CORO2A: variants seen among roughly 807,000 people sequenced by gnomAD.
The protein encoded by CORO2A is coronin 2A.
CORO2A carries 47 observed loss-of-function variants against 62.4 expected under a neutral mutation model. That is an observed-to-expected ratio of 0.75 (90% CI 0.60 to 0.96). The LOEUF is 0.96. Ranked by LOEUF, CORO2A falls within the 40% of genes least tolerant of loss-of-function variation. CORO2A has a pLI of 0.00. For synonymous variants in CORO2A, 273 were observed against 268.9 expected, an observed-to-expected ratio of 1.02 and a Z score of -0.15; for missense variants, 610 against 684.1, an observed-to-expected ratio of 0.89 and a Z score of 1.21.
intron 2 of CORO2A, among the ~76,000 whole-genome samples, chr9:98,149,860 CA>C (rs1425604848): frequency 6.6e-6 from 1 of 151,988 alleles, no homozygotes; most frequent in Non-Finnish European, 1.5e-5. Flanking sequence ...TATTATATTT[CA>C]AAAAGCCCAA....
intron 1 of CORO2A, among the ~76,000 whole-genome samples, chr9:98,191,273 A>C (rs983267039): frequency 2.0e-5 from 3 of 152,212 alleles, no homozygotes; most frequent in African/African-American, 7.2e-5. Context: ...GAGGGGCAGG[A>C]AGCTGGGGAG....
chr9:98,143,258 A>C (rs1827598694), intron 2 of CORO2A, among the ~76,000 whole-genome samples: 1 of 152,230 alleles, frequency 6.6e-6, no homozygotes, highest in Non-Finnish European at 1.5e-5. Flanking sequence ...GTGGGGGACC[A>C]GACTGGGGAC....
chr9:98,126,087 G>C (rs1169587483), intron 11 of CORO2A, among the ~76,000 whole-genome samples: 1 of 145,110 alleles, frequency 6.9e-6, no homozygotes, highest in Non-Finnish European at 1.5e-5. Flanking sequence ...CCAGGCTGGA[G>C]TGCAGTGGTG....
chr9:98,184,778 GCTGT>G (rs1265237011), intron 1 of CORO2A, among the ~76,000 whole-genome samples: 1 of 152,140 alleles, frequency 6.6e-6, no homozygotes, highest in African/African-American at 2.4e-5. Context: ...GTTAATGGCG[GCTGT>G]CTGTCTCTGT....
At chr9:98,146,708 C>T (rs1827647692) in intron 2 of CORO2A, among the ~76,000 whole-genome samples, 1 of 152,212 alleles carries the variant, frequency 6.6e-6, no homozygotes, top group South Asian at 2.1e-4. Context: ...GAGAGCAAGG[C>T]CCGAGGCCAC....
intron 6 of CORO2A, 139 bp from the exon 7 acceptor site, chr9:98,131,198 T>A: frequency 1.6e-6 from 1 of 618,556 alleles, no homozygotes; most frequent in Non-Finnish European, 2.9e-6. Flanking sequence ...TTTTTATATG[T>A]GTGTGCGGGG....
chr9:98,135,082 A>G (rs1268990894), intron 3 of CORO2A, 127 bp from the exon 4 acceptor site: 4 of 1,222,550 alleles, frequency 3.3e-6, no homozygotes, highest in Non-Finnish European at 4.5e-6. Flanking sequence ...GCCACCTCCC[A>G]CTCAGTGGCT....
At chr9:98,151,615 G>C (rs763199291) in intron 2 of CORO2A, among the ~76,000 whole-genome samples, 3 of 152,002 alleles carry the variant, frequency 2.0e-5, no homozygotes, top group Admixed American at 2.0e-4. Flanking sequence ...GTAAATAATA[G>C]CAGTTTTATT....
At chr9:98,190,378 T>C (rs1441380967) in intron 1 of CORO2A, among the ~76,000 whole-genome samples, 4 of 152,232 alleles carry the variant, frequency 2.6e-5, no homozygotes, top group African/African-American at 9.7e-5. Context: ...GCACAGAGTT[T>C]CATCTTTTTA....
intron 1 of CORO2A, among the ~76,000 whole-genome samples, chr9:98,177,457 GT>G (rs1174402008): frequency 7.1e-3 from 696 of 98,284 alleles, no homozygotes; most frequent in East Asian, 0.021. Context: ...TCCAAACTTT[GT>G]TTTTTTTTTT....
chr9:98,135,425 A>G (rs939532459), intron 3 of CORO2A, among the ~76,000 whole-genome samples: 3 of 152,156 alleles, frequency 2.0e-5, no homozygotes, highest in African/African-American at 7.2e-5. Context: ...CAGGGCAGGG[A>G]CAAACTTCTT....
At chr9:98,147,839 G>A (rs1034808266) in intron 2 of CORO2A, among the ~76,000 whole-genome samples, 3 of 152,294 alleles carry the variant, frequency 2.0e-5, no homozygotes, top group Admixed American at 2.0e-4. Flanking sequence ...ACAAATGTTT[G>A]TAACAGCTTA....
At chr9:98,152,139 G>GT (rs869306119) in intron 2 of CORO2A, among the ~76,000 whole-genome samples, 1 of 112,912 alleles carries the variant, frequency 8.9e-6, no homozygotes, top group Non-Finnish European at 2.0e-5. Flanking sequence ...TTTTTTTTTT[G>GT]TTTTTTCTTT....
intron 1 of CORO2A, among the ~76,000 whole-genome samples, chr9:98,158,294 A>G (rs1285337504): frequency 6.6e-6 from 1 of 152,230 alleles, no homozygotes; most frequent in African/African-American, 2.4e-5. Flanking sequence ...AAAAAAATAA[A>G]AGAGAGAGAG....
chr9:98,126,438 A>C, intron 11 of CORO2A, 111 bp downstream of exon 11: 4 of 1,375,648 alleles, frequency 2.9e-6, no homozygotes, highest in Non-Finnish European at 4.0e-6. Flanking sequence ...GCCAGGCCAC[A>C]CAGCTGGTTA....
chr9:98,125,925 C>T (rs1056215310), intron 11 of CORO2A, among the ~76,000 whole-genome samples: 8 of 151,932 alleles, frequency 5.3e-5, no homozygotes, highest in Middle Eastern at 3.4e-3. Context: ...GCCATGTTGG[C>T]CAGGCTGGTC....
At chr9:98,187,007 C>T (rs942180853) in intron 1 of CORO2A, among the ~76,000 whole-genome samples, 13 of 152,090 alleles carry the variant, frequency 8.5e-5, no homozygotes, top group African/African-American at 2.9e-4. Flanking sequence ...TGGCCAGGCG[C>T]GGTGGCTCAC....
chr9:98,130,900 G>A (rs1827394369), intron 7 of CORO2A, 55 bp downstream of exon 7: 2 of 1,437,234 alleles, frequency 1.4e-6, no homozygotes, highest in East Asian at 4.7e-5. Flanking sequence ...CCAGGCTGCT[G>A]TCTGCCGCTG....
At chr9:98,147,962 C>G (rs1466704986) in intron 2 of CORO2A, among the ~76,000 whole-genome samples, 1 of 151,996 alleles carries the variant, frequency 6.6e-6, no homozygotes, top group Non-Finnish European at 1.5e-5. Context: ...AGAAAGGACA[C>G]AGAGGCAGGA....
Sources: gnomAD v4.1 joint callset for allele counts (sites outside exome capture counted in the v4.1 genomes callset) on GRCh38, gnomAD v4.1.1 for gene constraint, MANE v1.5 for transcripts, NCBI Gene and HGNC (gene_info 2026-07-23, HGNC 2026-07-21) for gene names.